The following VPS54 variants were observed in gnomAD, a reference collection of about 807,000 sequenced individuals.
The protein encoded by VPS54 is vacuolar protein sorting-associated protein 54.
VPS54 carries 45 observed loss-of-function variants against 121.5 expected under a neutral mutation model. The ratio of observed to expected loss-of-function variants is 0.37; its 90% confidence interval spans 0.29 to 0.47. The LOEUF (loss-of-function observed/expected upper bound fraction) is 0.47, where lower values mean the gene tolerates loss of function less well. VPS54 is among the 20% of genes least tolerant of loss of function. The pLI is 0.99. For missense variants in VPS54, 1,090 were observed against 1,131.4 expected, an observed-to-expected ratio of 0.96 and a Z score of 0.52; for synonymous variants, 371 against 385.8, an observed-to-expected ratio of 0.96 and a Z score of 0.45.
intron 12 of VPS54, among the ~76,000 whole-genome samples, chr2:63,925,230 G>A (rs969566854): frequency 6.6e-5 from 10 of 152,134 alleles, no homozygotes; most frequent in Non-Finnish European, 1.5e-4. Context: ...ATGGGTAAAG[G>A]CCTTGAATAG....
intron 1 of VPS54, among the ~76,000 whole-genome samples, chr2:63,990,853 G>C (rs1364115519): frequency 6.6e-6 from 1 of 152,136 alleles, no homozygotes; most frequent in Non-Finnish European, 1.5e-5. Flanking sequence ...AAGAATTTAA[G>C]GATGCTTGTA....
At chr2:63,975,202 A>T in intron 3 of VPS54, 1 of 556,934 alleles carries the variant, frequency 1.8e-6, no homozygotes, top group South Asian at 2.9e-5. Flanking sequence ...CAAAATTATA[A>T]CTGAGACAGT....
rs893608285 is a variant in VPS54 at position 63,892,722 on chromosome 2, C to T, written c.*708G>A. 2 of 72,494 alleles carry T rather than the reference C, an allele frequency of 2.8e-5. No homozygotes were observed. Among genetic ancestry groups the T allele is most frequent in the African/African-American group, 7.7e-5 (1 of 12,928 alleles). 4.5% of individuals were successfully genotyped at this position (72,494 alleles called of 1,614,324 possible). A position where few individuals can be genotyped will look rare whatever the true frequency, so the allele number is the denominator to read the frequency against. ...AAGTATTTAGTTGCATAAATAGATG[C>T]CAGGATCTTTTTTTTTAAGTATTAA... On this transcript the variant is annotated 3_prime_UTR_variant, in exon 23 of 23. Transcript: ENST00000272322.
chr2:63,922,740 C>A (rs75207391), intron 12 of VPS54, among the ~76,000 whole-genome samples: 14,438 of 152,148 alleles, frequency 0.095, 1,179 homozygotes, highest in African/African-American at 0.23. Context: ...TATTTCAAAA[C>A]AGGATACCTG....
intron 13 of VPS54, 142 bp from the exon 14 acceptor site, chr2:63,920,769 T>A (rs138986692): frequency 4.5e-6 from 2 of 447,948 alleles, no homozygotes; most frequent in East Asian, 4.6e-5. Context: ...AAATTGAGCA[T>A]GAAATGCTTA....
chr2:63,978,331 AG>A (rs746053951), intron 3 of VPS54, among the ~76,000 whole-genome samples: 2 of 152,210 alleles, frequency 1.3e-5, no homozygotes, highest in Admixed American at 6.5e-5. Flanking sequence ...GGCTGGCAGT[AG>A]GATGAAGCAA....
chr2:63,997,769 T>G (rs1460261935), intron 1 of VPS54, among the ~76,000 whole-genome samples: 1 of 152,056 alleles, frequency 6.6e-6, no homozygotes, highest in South Asian at 2.1e-4. Context: ...CTTTTCCCTT[T>G]CTTTAAAATC....
chr2:63,904,016 G>A (rs1558980010), intron 20 of VPS54, among the ~76,000 whole-genome samples: 2 of 151,900 alleles, frequency 1.3e-5, no homozygotes, highest in Admixed American at 6.6e-5. Context: ...CTTTAAATAA[G>A]GCATAGATAT....
At chr2:63,961,563 A>G (rs990599631) in intron 7 of VPS54, among the ~76,000 whole-genome samples, 2 of 152,230 alleles carry the variant, frequency 1.3e-5, no homozygotes, top group African/African-American at 4.8e-5. Flanking sequence ...TTTAAAACCT[A>G]AGGTATTTTC....
intron 3 of VPS54, among the ~76,000 whole-genome samples, chr2:63,977,251 ATTTT>A (rs1335446627): frequency 3.9e-5 from 6 of 152,052 alleles, no homozygotes; most frequent in Non-Finnish European, 1.5e-5. Context: ...TTCTGCTCTA[ATTTT>A]TATTACTGCT....
chr2:63,985,313 C>T lies in VPS54; in HGVS notation c.-20-1294G>A, dbSNP rs139754141. Among the ~76,000 whole-genome samples, 16 of 151,926 alleles carry T rather than the reference C, an allele frequency of 1.1e-4. No homozygotes were observed. In the East Asian group the frequency reaches 1.7e-3, roughly 17 times the overall value. ...CAGCCTGGGCAACATGGTGAGACCC[C>T]GTCTCAAACAAACAAACAATAAATA... On this transcript the variant is annotated intron_variant, in intron 1 of 22. Transcript: ENST00000272322.
chr2:63,998,120 G>A (rs1308152890), intron 1 of VPS54, among the ~76,000 whole-genome samples: 1 of 152,136 alleles, frequency 6.6e-6, no homozygotes, highest in Non-Finnish European at 1.5e-5. Flanking sequence ...ATATATGAGT[G>A]CTCCAATAGT....
At chr2:63,953,845 C>T (rs1264021238) in intron 7 of VPS54, among the ~76,000 whole-genome samples, 4 of 152,246 alleles carry the variant, frequency 2.6e-5, no homozygotes, top group East Asian at 3.9e-4. Context: ...CTTACATATG[C>T]GTCTCCTTTT....
chr2:63,940,682 A>T (rs1674681747), intron 11 of VPS54, among the ~76,000 whole-genome samples: 1 of 152,154 alleles, frequency 6.6e-6, no homozygotes, highest in Admixed American at 6.5e-5. Flanking sequence ...ACTTAAAGTC[A>T]CAGTTTCCAA....
chr2:64,004,173 T>G (rs1172772210), intron 1 of VPS54, among the ~76,000 whole-genome samples: 1 of 150,630 alleles, frequency 6.6e-6, no homozygotes, highest in Admixed American at 6.6e-5. Context: ...TACATAGAGA[T>G]ACTTAAGGGA....
chr2:63,941,303 C>T (rs67765474), intron 11 of VPS54, among the ~76,000 whole-genome samples: 22,878 of 152,126 alleles, frequency 0.15, 1,974 homozygotes, highest in Middle Eastern at 0.2. Flanking sequence ...TGCCTCACTG[C>T]AGCCTTGACC....
intron 3 of VPS54, among the ~76,000 whole-genome samples, chr2:63,978,264 G>A (rs1030231241): frequency 1.3e-5 from 2 of 152,138 alleles, no homozygotes; most frequent in African/African-American, 4.8e-5. Flanking sequence ...TTCCAAAGGG[G>A]TTGTAGCACT....
intron 1 of VPS54, among the ~76,000 whole-genome samples, chr2:64,008,621 G>C (rs1317810568): frequency 6.6e-6 from 1 of 152,134 alleles, no homozygotes. Flanking sequence ...AAAATAAGCA[G>C]GCTGACCTAG....
At chr2:63,987,542 G>GT (rs1488150872) in intron 1 of VPS54, among the ~76,000 whole-genome samples, 2 of 152,020 alleles carry the variant, frequency 1.3e-5, no homozygotes, top group Non-Finnish European at 2.9e-5. Flanking sequence ...TTTCAAGATT[G>GT]TTTTTTCTAT....
Sources: gnomAD v4.1 joint callset for allele counts (sites outside exome capture counted in the v4.1 genomes callset) on GRCh38, gnomAD v4.1.1 for gene constraint, MANE v1.5 for transcripts, NCBI Gene and HGNC (gene_info 2026-07-23, HGNC 2026-07-21) for gene names.